BMP5: variants seen among roughly 807,000 people sequenced by gnomAD.
BMP5 encodes the protein bone morphogenetic protein 5.
Under a neutral mutation model 46.6 loss-of-function variants are expected in BMP5, and 23 were observed. That is an observed-to-expected ratio of 0.49 (90% CI 0.35 to 0.70). The LOEUF (loss-of-function observed/expected upper bound fraction) is 0.70. Among genes scored for constraint, BMP5 ranks in the 30% least tolerant of loss-of-function variants. The pLI is 0.00. For synonymous variants in BMP5, 204 were observed against 191.9 expected (o/e 1.06, Z -0.52); for missense variants, 545 against 565.6 (o/e 0.96, Z 0.37).
At chr6:55,784,371 A>G (rs1291662263) in intron 3 of BMP5, among the ~76,000 whole-genome samples, 1 of 151,910 alleles carries the variant, frequency 6.6e-6, no homozygotes. Context: ...TGTTTATACA[A>G]TGTACATGAT....
intron 5 of BMP5, 25 bp from the exon 6 acceptor site, chr6:55,759,140 CACACA>C: frequency 5.5e-6 from 1 of 180,596 alleles, no homozygotes; most frequent in Non-Finnish European, 9.6e-6. Flanking sequence ...CACACACACA[CACACA>C]AAAAAAAAAA....
intron 1 of BMP5, 117 bp from the exon 2 acceptor site, chr6:55,819,964 G>GA: frequency 1.1e-6 from 1 of 926,962 alleles, no homozygotes; most frequent in East Asian, 2.6e-5. Context: ...TATAAAACTG[G>GA]AAAAACCCTA....
At chr6:55,811,973 C>A (rs1171840874) in intron 2 of BMP5, among the ~76,000 whole-genome samples, 1 of 152,162 alleles carries the variant, frequency 6.6e-6, no homozygotes, top group African/African-American at 2.4e-5. Context: ...AGGCTATGAG[C>A]TTCTGAGGCC....
At chr6:55,792,442 G>A (rs1775594473) in intron 3 of BMP5, among the ~76,000 whole-genome samples, 1 of 150,682 alleles carries the variant, frequency 6.6e-6, no homozygotes, top group East Asian at 2.0e-4. Flanking sequence ...GCTGAGGCGA[G>A]AGAATGGCTT....
At chr6:55,799,382 G>T (rs1193436511) in intron 2 of BMP5, among the ~76,000 whole-genome samples, 1 of 152,074 alleles carries the variant, frequency 6.6e-6, no homozygotes, top group Non-Finnish European at 1.5e-5. Context: ...TACAAAAAGG[G>T]GGAAGAAGAA....
intron 4 of BMP5, among the ~76,000 whole-genome samples, chr6:55,773,817 G>A (rs192757531): frequency 6.6e-6 from 1 of 151,896 alleles, no homozygotes; most frequent in East Asian, 1.9e-4. Context: ...CTGTCATCTT[G>A]ACTTTAATTT....
In BMP5 at chr6:55,874,485, T is replaced by C. The variant is rs1202740328; in HGVS notation, c.381A>G (p.Ile127Met). 6.2e-7 allele frequency: 1 copy of C among 1,613,420 alleles called. No individual in the cohort carries two copies. The highest frequency in any genetic ancestry group is 8.5e-7 in the Non-Finnish European group (1 of 1,179,632). Residue 127 changes from isoleucine to methionine, a missense_variant, in exon 1 of 7, where the codon ATA (isoleucine) becomes ATG (methionine). Coordinates refer to ENST00000370830, the MANE Select transcript of BMP5 (RefSeq NM_021073.4). ...PASPNGYPRR[I>M]QLSRTTPLTT... ...TCAGAGGAGTCGTCCGAGATAACTG[T>C]ATGCGACGAGGATACCCATTGGGAG...
At chr6:55,774,433 A>G (rs1199269081) in intron 3 of BMP5, among the ~76,000 whole-genome samples, 190 bp from the exon 4 acceptor site, 1 of 151,900 alleles carries the variant, frequency 6.6e-6, no homozygotes, top group Non-Finnish European at 1.5e-5. Context: ...ATGGTGTTAC[A>G]TCTTGCATCA....
At position 55,831,376 on chromosome 6, in the gene BMP5, G is replaced by A. The variant is rs115657906; in HGVS notation, c.491-11529C>T. On this transcript the variant is annotated intron_variant, in intron 1 of 6. Transcript: ENST00000370830. ...AAATTCTCCACCTTGAGATATAAAC[G>A]TAAAAATTGATTTTTTTAAGGAAAG... Among the ~76,000 whole-genome samples, 317 of 151,988 alleles carry A rather than the reference G, an allele frequency of 2.1e-3. 1 individual carries two copies. Among genetic ancestry groups the A allele is most frequent in the South Asian group, 0.013 (64 of 4,824 alleles).
intron 2 of BMP5, among the ~76,000 whole-genome samples, chr6:55,818,595 C>T (rs1398337985): frequency 6.6e-6 from 1 of 151,762 alleles, no homozygotes; most frequent in Admixed American, 6.6e-5. Flanking sequence ...TGTGAATCTC[C>T]GAGAGGATAG....
intron 1 of BMP5, among the ~76,000 whole-genome samples, chr6:55,850,992 A>G (rs1156835433): frequency 1.3e-5 from 2 of 152,198 alleles, no homozygotes; most frequent in Non-Finnish European, 2.9e-5. Context: ...AGCTACTACC[A>G]AAGTTACTGT....
At chr6:55,863,131 CTGAA>C (rs1395695208) in intron 1 of BMP5, among the ~76,000 whole-genome samples, 2 of 152,092 alleles carry the variant, frequency 1.3e-5, no homozygotes, top group African/African-American at 4.8e-5. Context: ...TGTTAAATGA[CTGAA>C]TGAATGACCT....
chr6:55,790,072 G>A (rs1261921698), intron 3 of BMP5, among the ~76,000 whole-genome samples: 1 of 151,996 alleles, frequency 6.6e-6, no homozygotes, highest in Non-Finnish European at 1.5e-5. Context: ...TTTCTTCACA[G>A]GGGCAGGCTA....
intron 1 of BMP5, among the ~76,000 whole-genome samples, chr6:55,838,355 T>G (rs960810865): frequency 6.6e-6 from 1 of 152,216 alleles, no homozygotes; most frequent in African/African-American, 2.4e-5. Flanking sequence ...TGAGCTGATA[T>G]CTCATTGCAG....
intron 1 of BMP5, among the ~76,000 whole-genome samples, chr6:55,847,049 C>G (rs1338665449): frequency 6.6e-6 from 1 of 151,820 alleles, no homozygotes; most frequent in East Asian, 1.9e-4. Context: ...AGACCAGTCC[C>G]AAACATTGTA....
intron 2 of BMP5, among the ~76,000 whole-genome samples, chr6:55,801,560 G>T (rs1164645508): frequency 1.3e-5 from 2 of 152,214 alleles, no homozygotes; most frequent in African/African-American, 4.8e-5. Context: ...CTTAAGCCCA[G>T]CTTCAGATGC....
At chr6:55,761,294 T>A (rs1025168936) in intron 4 of BMP5, among the ~76,000 whole-genome samples, 4 of 152,070 alleles carry the variant, frequency 2.6e-5, no homozygotes, top group African/African-American at 9.7e-5. Flanking sequence ...TCATTGCTAG[T>A]CTCCCTGCTT....
At chr6:55,759,491 A>T (rs1774713605) in intron 5 of BMP5, among the ~76,000 whole-genome samples, 1 of 151,966 alleles carries the variant, frequency 6.6e-6, no homozygotes, top group South Asian at 2.1e-4. Context: ...ACAGGAAATG[A>T]TGAACTCTGG....
intron 2 of BMP5, among the ~76,000 whole-genome samples, chr6:55,801,395 G>A (rs192779177): frequency 2.9e-4 from 44 of 152,190 alleles, no homozygotes; most frequent in Non-Finnish European, 8.8e-5. Context: ...CTAAAGGAAA[G>A]GACTTGGCGG....
Sources: gnomAD v4.1 joint callset for allele counts (sites outside exome capture counted in the v4.1 genomes callset) on GRCh38, gnomAD v4.1.1 for gene constraint, MANE v1.5 for transcripts, NCBI Gene and HGNC (gene_info 2026-07-23, HGNC 2026-07-21) for gene names.